Variants in TSPAN18 observed in about 807,000 individuals in gnomAD.
TSPAN18 encodes the protein tetraspanin-18.
TSPAN18 carries 14 observed loss-of-function variants against 27.3 expected under a neutral mutation model. That is an observed-to-expected ratio of 0.51 (90% CI 0.34 to 0.80). The LOEUF (loss-of-function observed/expected upper bound fraction) is 0.80. TSPAN18 is among the 30% of genes least tolerant of loss of function. The pLI, the probability that TSPAN18 is intolerant of heterozygous loss-of-function variation, is 0.01. For missense variants in TSPAN18, 268 were observed against 323.9 expected (o/e 0.83, Z 1.32); for synonymous variants, 143 against 136.5 (o/e 1.05, Z -0.33).
chr11:44,822,720 A>C (rs1856952449), intron 2 of TSPAN18, among the ~76,000 whole-genome samples: 1 of 152,100 alleles, frequency 6.6e-6, no homozygotes. Flanking sequence ...GTCCTTCCCC[A>C]AAGGCTGAGG....
At chr11:44,838,405 C>T (rs1465391894) in intron 2 of TSPAN18, among the ~76,000 whole-genome samples, 1 of 152,210 alleles carries the variant, frequency 6.6e-6, no homozygotes, top group Admixed American at 6.5e-5. Context: ...CACCCGGTTC[C>T]TCCCATGACA....
intron 3 of TSPAN18, among the ~76,000 whole-genome samples, chr11:44,893,436 C>T (rs560412820): frequency 3.3e-5 from 5 of 152,324 alleles, no homozygotes; most frequent in South Asian, 4.1e-4. Context: ...GCACCAGGCA[C>T]GCCAGGATCT....
intron 2 of TSPAN18, among the ~76,000 whole-genome samples, chr11:44,855,951 C>T (rs752207728): frequency 9.9e-5 from 15 of 150,974 alleles, no homozygotes; most frequent in South Asian, 2.1e-4. Flanking sequence ...GGTGTGATCT[C>T]GGCTCACTGC....
chr11:44,849,463 A>G (rs879923531), intron 2 of TSPAN18, among the ~76,000 whole-genome samples: 3 of 152,172 alleles, frequency 2.0e-5, no homozygotes, highest in Non-Finnish European at 2.9e-5. Flanking sequence ...CCTCTCAGAC[A>G]TTGCCCCCAA....
chr11:44,772,655 TTATTGATTA>T (rs1314051298), intron 2 of TSPAN18, among the ~76,000 whole-genome samples: 1 of 152,180 alleles, frequency 6.6e-6, no homozygotes, highest in African/African-American at 2.4e-5. Context: ...GCATTGTTAT[TTATTGATTA>T]TTTATTTATT....
chr11:44,750,274 C>CACTT (rs778535584), intron 1 of TSPAN18, among the ~76,000 whole-genome samples: 1 of 152,190 alleles, frequency 6.6e-6, no homozygotes, highest in Non-Finnish European at 1.5e-5. Context: ...TCAATATTGA[C>CACTT]ACTTACTTAG....
rs376924231 is a variant in TSPAN18, at chr11:44,909,799, C to T, written c.158C>T (p.Thr53Met). The T allele has an allele frequency of 2.2e-5, 36 of 1,613,898 alleles. No homozygotes were observed. The highest frequency in any genetic ancestry group is 1.8e-4 in the East Asian group (8 of 44,876). ...EIVAANPLLL[T>M]GAYILLAMGG... ...GTGGCTGCCAATCCTCTGCTCCTCA[C>T]GGGCGCCTACATCCTCCTGGCCATG... Residue 53 changes from threonine (T) to methionine (M), a missense_variant, in exon 5 of 10, where the codon ACG becomes ATG. Coordinates refer to ENST00000520358, the MANE Select transcript of TSPAN18 (RefSeq NM_130783.5).
intron 2 of TSPAN18, among the ~76,000 whole-genome samples, chr11:44,785,224 G>T (rs1856026981): frequency 1.3e-5 from 2 of 152,170 alleles, no homozygotes; most frequent in Non-Finnish European, 2.9e-5. Flanking sequence ...CCACCAACCA[G>T]ATCCAGAGAC....
chr11:44,886,550 G>A (rs572360734), intron 3 of TSPAN18: 2 of 152,228 alleles, frequency 1.3e-5, no homozygotes, highest in South Asian at 2.1e-4. Context: ...ACATAAACAC[G>A]GAGGGCTTTC....
intron 2 of TSPAN18, among the ~76,000 whole-genome samples, chr11:44,793,496 G>A (rs1027777091): frequency 1.1e-4 from 16 of 152,304 alleles, no homozygotes; most frequent in African/African-American, 3.8e-4. Flanking sequence ...GAGTGCTGAA[G>A]TCAGGATGGT....
chr11:44,881,149 G>A (rs559401658), intron 3 of TSPAN18, among the ~76,000 whole-genome samples: 2 of 152,348 alleles, frequency 1.3e-5, no homozygotes, highest in South Asian at 4.1e-4. Context: ...TCACTGCTGA[G>A]AAATGGGGGC....
rs180751584 is a variant in TSPAN18 at position 44,807,301 on chromosome 11, A to G, written c.-153+42789A>G. On this transcript the variant is annotated intron_variant, in intron 2 of 9. Coordinates refer to ENST00000520358, the MANE Select transcript of TSPAN18 (RefSeq NM_130783.5). The stretch of plus-strand genomic sequence containing the variant: ...CTCAGCACTTTGGGAGCCCGAGGTG[A>G]GTAGATCACTTGAGGTCAGGAGTTC... Among the ~76,000 whole-genome samples the G allele has an allele frequency of 4.9e-3, 722 of 148,254 alleles. 4 individuals carry two copies. Among genetic ancestry groups the G allele is most frequent in the African/African-American group, 0.018 (706 of 39,840 alleles).
chr11:44,867,389 CTTTTT>C (rs71038824), intron 3 of TSPAN18, among the ~76,000 whole-genome samples: 18,252 of 59,482 alleles, frequency 0.31, 2,132 homozygotes, highest in South Asian at 0.39. Flanking sequence ...GTTTATGAAT[CTTTTT>C]TTTTTTTTTT....
intron 3 of TSPAN18, among the ~76,000 whole-genome samples, chr11:44,886,981 C>T (rs997283559): frequency 6.6e-6 from 1 of 152,118 alleles, no homozygotes; most frequent in African/African-American, 2.4e-5. Flanking sequence ...AGAACTCCAG[C>T]TGACTCATCT....
chr11:44,842,750 C>T (rs1857398122), intron 2 of TSPAN18, among the ~76,000 whole-genome samples: 1 of 152,108 alleles, frequency 6.6e-6, no homozygotes, highest in African/African-American at 2.4e-5. Context: ...TCCTAAAATT[C>T]CATTTAGGAA....
At chr11:44,833,928 G>C (rs562849492) in intron 2 of TSPAN18, among the ~76,000 whole-genome samples, 3 of 151,766 alleles carry the variant, frequency 2.0e-5, no homozygotes, top group Non-Finnish European at 4.4e-5. Context: ...TAACCTGCCT[G>C]CCCAAAGAGA....
At chr11:44,846,501 G>A (rs372802931) in intron 2 of TSPAN18, among the ~76,000 whole-genome samples, 13 of 152,298 alleles carry the variant, frequency 8.5e-5, no homozygotes, top group African/African-American at 3.1e-4. Flanking sequence ...ACACCTCAGG[G>A]ATCAGAACAC....
chr11:44,917,635 TG>T (rs1370615598), intron 5 of TSPAN18: 1 of 211,478 alleles, frequency 4.7e-6, no homozygotes, highest in East Asian at 1.1e-4. Context: ...TTACCCAGAG[TG>T]GGCTCAAACG....
At chr11:44,916,514 C>G (rs547000914) in intron 5 of TSPAN18, among the ~76,000 whole-genome samples, 1 of 152,320 alleles carries the variant, frequency 6.6e-6, no homozygotes, top group African/African-American at 2.4e-5. Context: ...TGGCTCATTT[C>G]CAACAGGGGA....
Sources: allele counts gnomAD v4.1 joint callset (sites outside exome capture counted in the v4.1 genomes callset), GRCh38; gene constraint gnomAD v4.1.1; transcripts MANE v1.5; gene names NCBI Gene and HGNC (gene_info 2026-07-23, HGNC 2026-07-21).